Variants in INTS6L observed in about 807,000 individuals in gnomAD.
INTS6L encodes the protein integrator complex subunit 6 like.
INTS6L carries 18 observed loss-of-function variants against 64.7 expected under a neutral mutation model. The ratio of observed to expected loss-of-function variants is 0.28; its 90% confidence interval spans 0.19 to 0.41. The LOEUF (loss-of-function observed/expected upper bound fraction) is 0.41, where lower values mean the gene tolerates loss of function less well. Ranked by LOEUF, INTS6L falls within the 10% of genes least tolerant of loss-of-function variation. The probability of loss-of-function intolerance (pLI) is 1.00; values close to 1 mark genes in which losing one functional copy is unlikely to be tolerated. For missense variants in INTS6L, 533 were observed against 661.0 expected (o/e 0.81, Z 2.12); for synonymous variants, 227 against 235.9 (o/e 0.96, Z 0.34).
At chrX:135,546,324 T>C in intron 3 of INTS6L, 56 bp from the exon 4 acceptor site, 1 of 790,443 alleles carries the variant, frequency 1.3e-6, no homozygotes, top group East Asian at 3.8e-5. Context: ...AATATAAAAA[T>C]TTAAATATAC....
chrX:135,525,882 C>A (rs1556500822), intron 2 of INTS6L, among the ~76,000 whole-genome samples: 1 of 112,157 alleles, frequency 8.9e-6, no homozygotes, highest in South Asian at 3.7e-4. Context: ...TTGACTTTTA[C>A]AACGAATTGC....
chrX:135,532,597 A>G (rs1372182540), intron 2 of INTS6L, among the ~76,000 whole-genome samples: 1 of 112,028 alleles, frequency 8.9e-6, no homozygotes, highest in African/African-American at 3.2e-5. Context: ...GTCTGTTACT[A>G]ATTACACACA....
chrX:135,563,887 G>T (rs956428929), intron 9 of INTS6L, among the ~76,000 whole-genome samples: 3 of 109,485 alleles, frequency 2.7e-5, no homozygotes, highest in Non-Finnish European at 3.8e-5. Context: ...ATGTGTCTTG[G>T]CATGCACTCC....
chrX:135,521,758 G>GGT (rs201041697), intron 2 of INTS6L, among the ~76,000 whole-genome samples: 1 of 105,722 alleles, frequency 9.5e-6, no homozygotes. Flanking sequence ...GGGTCGCCGC[G>GGT]CGGGGGGCCG....
At position 135,577,349 on chromosome X, in the gene INTS6L, G is replaced by A; in HGVS notation, c.2041G>A (p.Val681Met). The A allele has an allele frequency of 8.3e-7, 1 of 1,211,763 alleles. No individual in the cohort carries two copies. The highest frequency in any genetic ancestry group is 3.0e-5 in the East Asian group (1 of 33,848). ...PQTPPTVTNH[V>M]GGKGPPSASW... The stretch of plus-strand genomic sequence containing the variant: ...AACACCACCTACTGTAACTAACCAT[G>A]TGGGCGGAAAGGGACCACCCTCAGC... The change falls in exon 15 of 18, where the codon GTG becomes ATG. Residue 681 changes from valine to methionine, a missense_variant. Transcript: ENST00000639893.
intron 9 of INTS6L, among the ~76,000 whole-genome samples, chrX:135,568,328 G>C (rs2087004415): frequency 9.1e-6 from 1 of 110,269 alleles, no homozygotes. Flanking sequence ...TGGTATTCAA[G>C]AAACATGTTT....
chrX:135,578,341 G>A (rs2087285511), intron 15 of INTS6L, among the ~76,000 whole-genome samples: 1 of 111,919 alleles, frequency 8.9e-6, no homozygotes, highest in East Asian at 2.8e-4. Context: ...TCTCGAACTT[G>A]CCCCTCTCCA....
chrX:135,550,047 G>A (rs782425199), intron 7 of INTS6L, among the ~76,000 whole-genome samples: 10 of 111,891 alleles, frequency 8.9e-5, no homozygotes, highest in Non-Finnish European at 1.7e-4. Context: ...TGCCCTTTTT[G>A]GATGTTAAAA....
At chrX:135,580,536 C>G (rs1434346320) in intron 16 of INTS6L, among the ~76,000 whole-genome samples, 2 of 112,485 alleles carry the variant, frequency 1.8e-5, no homozygotes, top group Admixed American at 9.4e-5. Flanking sequence ...TTTGCCTTTT[C>G]GAGCTTCTAA....
chrX:135,559,681 G>A (rs1556521067), intron 9 of INTS6L, among the ~76,000 whole-genome samples: 1 of 112,324 alleles, frequency 8.9e-6, no homozygotes, highest in African/African-American at 3.2e-5. Context: ...GGATCCTATG[G>A]TAGTTGCATG....
At chrX:135,528,877 C>CT (rs1464500455) in intron 2 of INTS6L, among the ~76,000 whole-genome samples, 1 of 87,338 alleles carries the variant, frequency 1.1e-5, no homozygotes, top group East Asian at 4.0e-4. Context: ...CCCCCCCCCC[C>CT]GACCCACCGC....
At chrX:135,528,949 C>G (rs958938858) in intron 2 of INTS6L, among the ~76,000 whole-genome samples, 1 of 92,711 alleles carries the variant, frequency 1.1e-5, no homozygotes, top group Non-Finnish European at 2.0e-5. Context: ...GGCTTGATAA[C>G]CCTTGCCTGT....
intron 2 of INTS6L, among the ~76,000 whole-genome samples, chrX:135,531,648 A>G (rs1391054731): frequency 8.9e-6 from 1 of 111,823 alleles, no homozygotes; most frequent in Non-Finnish European, 1.9e-5. Flanking sequence ...AGTGCCTCCA[A>G]AATTCCTGTC....
chrX:135,553,153 T>A (rs1235076695), intron 8 of INTS6L, among the ~76,000 whole-genome samples: 1 of 108,674 alleles, frequency 9.2e-6, no homozygotes, highest in Non-Finnish European at 1.9e-5. Context: ...TGTGTGATTC[T>A]ATGTTATATA....
intron 11 of INTS6L, chrX:135,571,476 G>A (rs1415778906): frequency 9.0e-6 from 1 of 111,399 alleles, no homozygotes; most frequent in Admixed American, 9.5e-5. Context: ...GAACCAAAGT[G>A]ACTCCACAAT....
intron 9 of INTS6L, among the ~76,000 whole-genome samples, chrX:135,566,556 C>T (rs1285782862): frequency 9.0e-6 from 1 of 111,407 alleles, no homozygotes; most frequent in Non-Finnish European, 1.9e-5. Context: ...TACCAGATTT[C>T]AATCAAATTA....
intron 2 of INTS6L, among the ~76,000 whole-genome samples, chrX:135,521,760 G>C (rs1556497268): frequency 9.3e-6 from 1 of 108,053 alleles, no homozygotes; most frequent in East Asian, 3.0e-4. Context: ...GTCGCCGCGC[G>C]GGGGGCCGGA....
At chrX:135,526,412 T>C (rs2085739290) in intron 2 of INTS6L, among the ~76,000 whole-genome samples, 1 of 111,757 alleles carries the variant, frequency 8.9e-6, no homozygotes, top group Non-Finnish European at 1.9e-5. Flanking sequence ...CTCATGGACC[T>C]CAGGCTTCAC....
intron 7 of INTS6L, among the ~76,000 whole-genome samples, chrX:135,551,270 G>A (rs781947795): frequency 2.5e-4 from 28 of 111,620 alleles, no homozygotes; most frequent in African/African-American, 5.5e-4. Flanking sequence ...CTTGCTGTTC[G>A]CCTTTCTCTC....
Sources: gnomAD v4.1 joint callset for allele counts (sites outside exome capture counted in the v4.1 genomes callset) on GRCh38, gnomAD v4.1.1 for gene constraint, MANE v1.5 for transcripts, NCBI Gene and HGNC (gene_info 2026-07-23, HGNC 2026-07-21) for gene names.